The following IFRD1 variants were observed in gnomAD, a reference collection of about 807,000 sequenced individuals.
The protein encoded by IFRD1 is interferon-related developmental regulator 1.
In IFRD1, 35 loss-of-function variants were observed where a neutral mutation model predicts 52.9. That is an observed-to-expected ratio of 0.66 (90% CI 0.51 to 0.88). IFRD1 has a LOEUF of 0.88. IFRD1 is among the 40% of genes least tolerant of loss of function. The pLI is 0.00. For synonymous variants in IFRD1, 184 were observed against 188.4 expected (o/e 0.98, Z 0.19); for missense variants, 517 against 550.8 (o/e 0.94, Z 0.61).
At chr7:112,442,073 C>T (rs1053825777) in intron 1 of IFRD1, among the ~76,000 whole-genome samples, 1 of 152,190 alleles carries the variant, frequency 6.6e-6, no homozygotes, top group Non-Finnish European at 1.5e-5. Context: ...ACACAGTCAC[C>T]AAACTAGTAA....
At chr7:112,462,446 A>G (rs1039269744) in intron 8 of IFRD1, 68 bp downstream of exon 8, 70 of 1,066,348 alleles carry the variant, frequency 6.6e-5, no homozygotes, top group Admixed American at 2.9e-4. Context: ...TTACCTTGCA[A>G]TTGAGAATTG....
intron 1 of IFRD1, among the ~76,000 whole-genome samples, chr7:112,433,921 G>A (rs1794606101): frequency 6.6e-6 from 1 of 152,186 alleles, no homozygotes; most frequent in African/African-American, 2.4e-5. Context: ...CCCAGCTCAA[G>A]CTATCCTCCC....
rs1795128424 is a variant in IFRD1 at position 112,450,583 on chromosome 7, G to A, written c.-106G>A. 2.4e-6 allele frequency: 2 copies of A among 845,096 alleles called. No individual in the cohort carries two copies. Among genetic ancestry groups the A allele is most frequent in the South Asian group, 1.4e-5 (1 of 71,566 alleles). 52.3% of individuals were successfully genotyped at this position (845,096 alleles called of 1,614,324 possible). On this transcript the variant is annotated 5_prime_UTR_variant, in exon 1 of 12. Coordinates refer to ENST00000403825, the MANE Select transcript of IFRD1 (RefSeq NM_001550.4). Reference sequence around the variant, plus strand: ...CTTCTCGACTCTGTTGTTAGCCGAAGACTCGCCTCTCAGCCGCCCGCCGCA... The same window carrying A: ...CTTCTCGACTCTGTTGTTAGCCGAAAACTCGCCTCTCAGCCGCCCGCCGCA...
chr7:112,458,609 A>G (rs980124334), intron 4 of IFRD1, among the ~76,000 whole-genome samples: 1 of 152,212 alleles, frequency 6.6e-6, no homozygotes, highest in Non-Finnish European at 1.5e-5. Flanking sequence ...CAGATGAGGA[A>G]TTCTATTTAG....
At chr7:112,425,154 G>T (rs1306449799) in intron 1 of IFRD1, among the ~76,000 whole-genome samples, 1 of 152,152 alleles carries the variant, frequency 6.6e-6, no homozygotes, top group Admixed American at 6.5e-5. Context: ...TATAGGTATG[G>T]CACCATGCCT....
Position 112,455,718 on chromosome 7 carries a change from A to G in IFRD1, c.95-45A>G, listed in dbSNP as rs571225691. The G allele has an allele frequency of 8.1e-6, 10 of 1,228,276 alleles. No homozygotes were observed. In the East Asian group the frequency reaches 1.9e-4, roughly 23 times the overall value. The allele number at this position is 1,228,276 out of a possible 1,614,324, so 76.1% of individuals were successfully genotyped here. On this transcript the variant is annotated intron_variant, in intron 1 of 11. Coordinates refer to ENST00000403825, the MANE Select transcript of IFRD1 (RefSeq NM_001550.4). ...AAATTCCAAAGTTAAATATTTAGGT[A>G]TATGGCAATAAAATAATTTACCTCT...
intron 11 of IFRD1, among the ~76,000 whole-genome samples, chr7:112,474,989 C>T (rs993449234): frequency 2.6e-5 from 4 of 151,008 alleles, no homozygotes; most frequent in Admixed American, 1.3e-4. Context: ...GACGGAGTCT[C>T]GTTCTGTTGC....
chr7:112,459,383 TG>T (rs1795375645), intron 5 of IFRD1, among the ~76,000 whole-genome samples: 1 of 152,178 alleles, frequency 6.6e-6, no homozygotes, highest in Non-Finnish European at 1.5e-5. Context: ...TTTTGGGTTT[TG>T]GGGGTTTTAT....
At chr7:112,442,534 A>G (rs1426517029) in intron 1 of IFRD1, among the ~76,000 whole-genome samples, 4 of 152,212 alleles carry the variant, frequency 2.6e-5, no homozygotes, top group African/African-American at 9.7e-5. Flanking sequence ...GAGATGACTG[A>G]ACTCTCCAGG....
chr7:112,439,450 C>T (rs1029360570), intron 1 of IFRD1, among the ~76,000 whole-genome samples: 2 of 152,174 alleles, frequency 1.3e-5, no homozygotes, highest in African/African-American at 4.8e-5. Flanking sequence ...CCCCAAGCCA[C>T]AGAAATCTCA....
At chr7:112,455,402 T>C (rs1584488505) in intron 1 of IFRD1, among the ~76,000 whole-genome samples, 2 of 151,928 alleles carry the variant, frequency 1.3e-5, no homozygotes, top group African/African-American at 4.8e-5. Context: ...GGAGAATTGC[T>C]CGAACCCAGG....
intron 2 of IFRD1, 64 bp downstream of exon 2, chr7:112,455,931 A>G (rs1200048830): frequency 1.4e-6 from 2 of 1,452,122 alleles, no homozygotes; most frequent in African/African-American, 2.8e-5. Context: ...GAATTCTTGT[A>G]GCTAAAGTAT....
At chr7:112,442,790 G>A (rs1469133427) in intron 1 of IFRD1, among the ~76,000 whole-genome samples, 1 of 152,216 alleles carries the variant, frequency 6.6e-6, no homozygotes. Flanking sequence ...TTGGTATATA[G>A]TGGACACCTG....
intron 1 of IFRD1, among the ~76,000 whole-genome samples, chr7:112,437,991 C>T (rs1299342810): frequency 6.6e-6 from 1 of 152,058 alleles, no homozygotes; most frequent in African/African-American, 2.4e-5. Flanking sequence ...TGCATAATGC[C>T]AAAGAAGAAA....
chr7:112,458,247 A>G (rs1448336408), intron 4 of IFRD1: 1 of 152,922 alleles, frequency 6.5e-6, no homozygotes, highest in South Asian at 2.0e-4. Context: ...GTTAATTTAT[A>G]TGTACCTTTA....
intron 4 of IFRD1, 83 bp from the exon 5 acceptor site, chr7:112,458,778 T>A: frequency 3.1e-6 from 4 of 1,273,016 alleles, no homozygotes; most frequent in Non-Finnish European, 4.6e-6. Flanking sequence ...TATTTTGTCA[T>A]TGATCAAATT....
At chr7:112,454,683 A>G (rs552863606) in intron 1 of IFRD1, among the ~76,000 whole-genome samples, 2 of 152,258 alleles carry the variant, frequency 1.3e-5, no homozygotes, top group East Asian at 3.9e-4. Flanking sequence ...AGACATGTGT[A>G]ACCTAAAAAC....
chr7:112,472,911 T>C, intron 11 of IFRD1, 50 bp downstream of exon 11: 3 of 1,283,788 alleles, frequency 2.3e-6, no homozygotes, highest in Non-Finnish European at 3.4e-6. Context: ...AAAGCTTTGA[T>C]TCTGTCTAGT....
intron 8 of IFRD1, among the ~76,000 whole-genome samples, chr7:112,463,857 C>T (rs2529592): frequency 0.44 from 39,120 of 88,590 alleles, 5,520 homozygotes; most frequent in Middle Eastern, 0.61. Context: ...TTTATATACA[C>T]ACACACACAC....
Sources: allele counts gnomAD v4.1 joint callset (sites outside exome capture counted in the v4.1 genomes callset), GRCh38; gene constraint gnomAD v4.1.1; transcripts MANE v1.5; gene names NCBI Gene and HGNC (gene_info 2026-07-23, HGNC 2026-07-21).